Variants in RNF38 observed in about 807,000 individuals in gnomAD.
The protein encoded by RNF38 is ring finger protein 38.
In RNF38, 15 loss-of-function variants were observed where a neutral mutation model predicts 67.2. That is an observed-to-expected ratio of 0.22 (90% CI 0.15 to 0.34). RNF38 has a LOEUF of 0.34. Among genes scored for constraint, RNF38 ranks in the 10% least tolerant of loss-of-function variants. The probability of loss-of-function intolerance (pLI) is 1.00; values close to 1 mark genes in which losing one functional copy is unlikely to be tolerated. For missense variants in RNF38, 524 were observed against 639.9 expected (o/e 0.82, Z 1.95); for synonymous variants, 220 against 218.8 (o/e 1.01, Z -0.05).
intron 1 of RNF38, among the ~76,000 whole-genome samples, chr9:36,396,080 G>C (rs1471338525): frequency 6.6e-6 from 1 of 152,224 alleles, no homozygotes; most frequent in Non-Finnish European, 1.5e-5. Context: ...AGGAGAACAT[G>C]TATAAGCTCC....
Position 36,416,045 on chromosome 9 carries a change from G to T in RNF38, n.312+8568C>A, listed in dbSNP as rs193199243. On this transcript the variant is annotated intron_variant and non_coding_transcript_variant, in intron 2 of 3. Transcript: ENST00000488058. ...TTGGATAAGTATTCTGATTTATCAGGTGATGGGTGGCACCATAGAGCTCTC... is the reference window on the plus strand; with the variant it reads ...TTGGATAAGTATTCTGATTTATCAGTTGATGGGTGGCACCATAGAGCTCTC... Among the ~76,000 whole-genome samples, 3 of 152,006 alleles carry T rather than the reference G, an allele frequency of 2.0e-5. No individual in the cohort carries two copies. In the East Asian group the frequency reaches 5.8e-4, roughly 29 times the overall value.
chr9:36,380,698 T>C (rs1292777891), intron 2 of RNF38, among the ~76,000 whole-genome samples: 2 of 152,074 alleles, frequency 1.3e-5, no homozygotes, highest in Non-Finnish European at 2.9e-5. Context: ...CTCACTATAT[T>C]GCCCAGTTTG....
chr9:36,452,373 C>T (rs1839472143), intron 1 of RNF38, among the ~76,000 whole-genome samples: 1 of 151,792 alleles, frequency 6.6e-6, no homozygotes, highest in South Asian at 2.1e-4. Flanking sequence ...TCCCCTCCTC[C>T]AGCCCTAGAT....
intron 8 of RNF38, among the ~76,000 whole-genome samples, chr9:36,351,544 G>A (rs1487432400): frequency 6.6e-6 from 1 of 152,058 alleles, no homozygotes; most frequent in African/African-American, 2.4e-5. Context: ...AAATTTATAA[G>A]GAAATGCAAA....
intron 2 of RNF38, among the ~76,000 whole-genome samples, chr9:36,383,706 G>A (rs1836376567): frequency 6.6e-6 from 1 of 152,020 alleles, no homozygotes; most frequent in African/African-American, 2.4e-5. Context: ...TGCAGATATA[G>A]AAGAGGCTCT....
At chr9:36,388,482 A>C (rs926267004) in intron 2 of RNF38, among the ~76,000 whole-genome samples, 22 of 151,090 alleles carry the variant, frequency 1.5e-4, no homozygotes, top group South Asian at 6.3e-4. Flanking sequence ...TATGACTGAC[A>C]AAAAAAAAGC....
At chr9:36,356,151 T>C (rs754300746) in intron 6 of RNF38, 152 bp downstream of exon 6, 36 of 751,896 alleles carry the variant, frequency 4.8e-5, no homozygotes, top group Non-Finnish European at 7.4e-5. Flanking sequence ...CTGGCCAAGT[T>C]ACTATGTTTA....
chr9:36,358,093 GT>G (rs1363374931), intron 4 of RNF38, 151 bp from the exon 5 acceptor site: 20 of 630,760 alleles, frequency 3.2e-5, no homozygotes, highest in Non-Finnish European at 4.9e-5. Flanking sequence ...AATATTCATT[GT>G]CTTTGTAGGG....
At chr9:36,391,795 A>G (rs1837116949) in intron 1 of RNF38, among the ~76,000 whole-genome samples, 1 of 151,894 alleles carries the variant, frequency 6.6e-6, no homozygotes. Flanking sequence ...TTGTATTTTT[A>G]GTAGAGACGG....
chr9:36,452,788 C>T (rs976178652), intron 1 of RNF38, among the ~76,000 whole-genome samples: 1 of 152,152 alleles, frequency 6.6e-6, no homozygotes, highest in African/African-American at 2.4e-5. Flanking sequence ...CTGCCCTGGC[C>T]TTCTGAAGTG....
At chr9:36,388,909 CTAAGTTTT>C (rs1260894584) in intron 2 of RNF38, among the ~76,000 whole-genome samples, 2 of 151,936 alleles carry the variant, frequency 1.3e-5, no homozygotes, top group Non-Finnish European at 2.9e-5. Flanking sequence ...CATGTGGTAA[CTAAGTTTT>C]TAAGGATAAG....
intron 2 of RNF38, among the ~76,000 whole-genome samples, chr9:36,383,459 G>A (rs567616082): frequency 2.0e-4 from 31 of 152,210 alleles, no homozygotes; most frequent in African/African-American, 7.2e-4. Flanking sequence ...CAAAGTGCTG[G>A]GATTATAAGC....
At chr9:36,447,683 G>C (rs1839340981) in intron 1 of RNF38, among the ~76,000 whole-genome samples, 2 of 152,052 alleles carry the variant, frequency 1.3e-5, no homozygotes, top group Non-Finnish European at 2.9e-5. Context: ...AGGATACTTG[G>C]TACAGTATTC....
intron 10 of RNF38, among the ~76,000 whole-genome samples, chr9:36,342,861 A>G (rs902973613): frequency 1.3e-5 from 2 of 152,206 alleles, no homozygotes; most frequent in Non-Finnish European, 2.9e-5. Flanking sequence ...TTTCTTGGAG[A>G]TGACATTAAA....
At position 36,465,599 on chromosome 9, in the gene RNF38, C is replaced by G. The variant is rs180747297; in HGVS notation, n.241+21709G>C. 2.7e-3 allele frequency among the ~76,000 whole-genome samples: 408 copies of G among 152,220 alleles called. 6 individuals carry two copies. Among genetic ancestry groups the G allele is most frequent in the Admixed American group, 0.024 (362 of 15,282 alleles). Reference sequence around the variant, plus strand: ...ACCTCAGGTGATCCGCCTGCCTTGGCGTCCCAAAGTGCTGAGATTACAGGC... The same window carrying G: ...ACCTCAGGTGATCCGCCTGCCTTGGGGTCCCAAAGTGCTGAGATTACAGGC... On this transcript the variant is annotated intron_variant and non_coding_transcript_variant, in intron 1 of 3. Coordinates refer to the RNF38 transcript ENST00000488058.
At chr9:36,400,850 C>A, upstream of RNF38, 1 of 984,598 alleles carries the variant, frequency 1.0e-6, no homozygotes, top group East Asian at 1.1e-4. Context: ...GACCGGGCCT[C>A]GGCCCCGTCC....
chr9:36,466,210 C>T (rs2134394473), intron 1 of RNF38, among the ~76,000 whole-genome samples: 1 of 152,252 alleles, frequency 6.6e-6, no homozygotes, highest in East Asian at 1.9e-4. Context: ...GGCTAATCTA[C>T]AGAGACAGAA....
intron 1 of RNF38, among the ~76,000 whole-genome samples, chr9:36,482,673 A>G (rs897831672): frequency 6.6e-6 from 1 of 152,200 alleles, no homozygotes; most frequent in Non-Finnish European, 1.5e-5. Context: ...TTTTCTAAAT[A>G]GCTTATTCTG....
At chr9:36,359,161 TTTTA>T (rs2133605282) in intron 4 of RNF38, among the ~76,000 whole-genome samples, 1 of 152,258 alleles carries the variant, frequency 6.6e-6, no homozygotes, top group African/African-American at 2.4e-5. Flanking sequence ...TTTGTAATTT[TTTTA>T]TTTAAGAGGT....
Sources: gnomAD v4.1 joint callset for allele counts (sites outside exome capture counted in the v4.1 genomes callset) on GRCh38, gnomAD v4.1.1 for gene constraint, MANE v1.5 for transcripts, NCBI Gene and HGNC (gene_info 2026-07-23, HGNC 2026-07-21) for gene names.